Variants in SIPA1L1 observed in about 807,000 individuals in gnomAD.
SIPA1L1 encodes signal induced proliferation associated 1 like 1.
SIPA1L1 carries 26 observed loss-of-function variants against 162.7 expected under a neutral mutation model. The observed-to-expected ratio is 0.16, with a 90% CI of 0.12 to 0.22. The LOEUF (loss-of-function observed/expected upper bound fraction) is 0.22. SIPA1L1 is among the 10% of genes least tolerant of loss of function. SIPA1L1 has a pLI of 1.00. For synonymous variants in SIPA1L1, 829 were observed against 837.4 expected (o/e 0.99, Z 0.17); for missense variants, 1,874 against 2,241.0 (o/e 0.84, Z 3.31).
chr14:71,562,534 C>T (rs2056878368), intron 4 of SIPA1L1, among the ~76,000 whole-genome samples: 1 of 152,104 alleles, frequency 6.6e-6, no homozygotes, highest in Non-Finnish European at 1.5e-5. Context: ...GTGTTCAGCA[C>T]ATAATAAATG....
intron 2 of SIPA1L1, among the ~76,000 whole-genome samples, chr14:71,426,385 T>G (rs2043562689): frequency 6.6e-6 from 1 of 151,774 alleles, no homozygotes; most frequent in Non-Finnish European, 1.5e-5. Context: ...CCTTTAAAAT[T>G]TTTTTTTTCT....
chr14:71,477,661 A>G (rs891341649), intron 2 of SIPA1L1, among the ~76,000 whole-genome samples: 1 of 152,112 alleles, frequency 6.6e-6, no homozygotes, highest in East Asian at 1.9e-4. Context: ...GGTTCATGCA[A>G]TTTGTTGTGG....
At chr14:71,544,031 A>ATG (rs1175310332) in intron 4 of SIPA1L1, among the ~76,000 whole-genome samples, 2 of 147,518 alleles carry the variant, frequency 1.4e-5, no homozygotes, top group Non-Finnish European at 3.0e-5. Flanking sequence ...ACGCACATGT[A>ATG]TGTATATACA....
Position 71,419,480 on chromosome 14 carries a change from CTTTTTTTTTTTTTT to C in SIPA1L1, c.-464-93248_-464-93235del, listed in dbSNP as rs779874892. Reference sequence around the variant, plus strand: ...TTTGAAAGGCTCAAGGAGGATCTCTCTTTTTTTTTTTTTTTTTTTTTTTTTTTTGAGACGGAGTC... The same window carrying C: ...TTTGAAAGGCTCAAGGAGGATCTCTCTTTTTTTTTTTTTTGAGACGGAGTC... On this transcript the variant is annotated intron_variant, in intron 2 of 23. Coordinates refer to ENST00000381232, the MANE Select transcript of SIPA1L1 (RefSeq NM_001386936.1). Among the ~76,000 whole-genome samples the C allele has an allele frequency of 3.4e-3, 292 of 85,244 alleles. 2 individuals carry two copies. The highest frequency in any genetic ancestry group is 0.012 in the African/African-American group (239 of 20,778). 55.9% of individuals were successfully genotyped at this position (85,244 alleles called of 152,430 possible).
At chr14:71,355,555 C>T (rs960821814) in intron 2 of SIPA1L1, among the ~76,000 whole-genome samples, 1 of 152,210 alleles carries the variant, frequency 6.6e-6, no homozygotes, top group Admixed American at 6.5e-5. Flanking sequence ...CTGCAGGATT[C>T]TCCATAAACT....
intron 4 of SIPA1L1, among the ~76,000 whole-genome samples, chr14:71,534,310 G>A (rs1434946609): frequency 5.3e-5 from 8 of 152,160 alleles, no homozygotes; most frequent in African/African-American, 1.9e-4. Context: ...GGAGGGGCAT[G>A]AAAGGTTGAC....
chr14:71,510,011 C>A (rs2050994153), intron 2 of SIPA1L1, among the ~76,000 whole-genome samples: 1 of 152,062 alleles, frequency 6.6e-6, no homozygotes, highest in Admixed American at 6.6e-5. Context: ...AGTGCCCCCA[C>A]TTTGATCTGG....
chr14:71,719,340 A>C (rs1407694744), intron 17 of SIPA1L1, among the ~76,000 whole-genome samples: 1 of 152,194 alleles, frequency 6.6e-6, no homozygotes, highest in Non-Finnish European at 1.5e-5. Context: ...ACATATGTTC[A>C]ACTTAGTAGG....
chr14:71,735,328 G>A lies in SIPA1L1; in HGVS notation c.5060G>A (p.Ser1687Asn). 6.2e-7 allele frequency: 1 copy of A among 1,614,176 alleles called. No homozygotes were observed. Among genetic ancestry groups the A allele is most frequent in the Non-Finnish European group, 8.5e-7 (1 of 1,180,014 alleles). Reference sequence around the variant, plus strand: ...AGTGATGAAAACCATCGCCCCTTGAGTGCTGCATCCAACAGTGATCAGCTG... The same window carrying A: ...AGTGATGAAAACCATCGCCCCTTGAATGCTGCATCCAACAGTGATCAGCTG... ...AASDENHRPL[S>N]AASNSDQLED... Residue 1687 changes from serine (S) to asparagine (N), a missense_variant, in exon 22 of 24, where the codon AGT becomes AAT. Ser to Asn is a conservative substitution (Grantham distance 46). Coordinates refer to ENST00000381232, the MANE Select transcript of SIPA1L1 (RefSeq NM_001386936.1).
intron 13 of SIPA1L1, among the ~76,000 whole-genome samples, chr14:71,698,707 C>T (rs2081847693): frequency 6.6e-6 from 1 of 152,196 alleles, no homozygotes; most frequent in Non-Finnish European, 1.5e-5. Flanking sequence ...CAATTGAATT[C>T]TGGCAGCTTT....
At chr14:71,656,839 G>T (rs2043098513) in intron 8 of SIPA1L1, among the ~76,000 whole-genome samples, 1 of 152,178 alleles carries the variant, frequency 6.6e-6, no homozygotes. Context: ...AGAGCTACCT[G>T]GGAGTGTCTG....
intron 4 of SIPA1L1, among the ~76,000 whole-genome samples, chr14:71,532,200 G>A (rs2053511378): frequency 1.3e-5 from 2 of 152,162 alleles, no homozygotes; most frequent in African/African-American, 4.8e-5. Context: ...TGGTTGTTGT[G>A]TAATATGTTT....
chr14:71,444,715 G>A (rs1037801903), intron 2 of SIPA1L1, among the ~76,000 whole-genome samples: 36 of 152,314 alleles, frequency 2.4e-4, no homozygotes, highest in African/African-American at 7.9e-4. Flanking sequence ...CCAGGTAGGT[G>A]TCTGCTGCTC....
At chr14:71,517,255 A>G (rs1363920161) in intron 3 of SIPA1L1, among the ~76,000 whole-genome samples, 1 of 152,162 alleles carries the variant, frequency 6.6e-6, no homozygotes, top group Non-Finnish European at 1.5e-5. Context: ...GAAGCTTTTA[A>G]TGACTATTAA....
chr14:71,718,355 G>A (rs1335877748), intron 17 of SIPA1L1, among the ~76,000 whole-genome samples: 1 of 152,176 alleles, frequency 6.6e-6, no homozygotes, highest in East Asian at 1.9e-4. Flanking sequence ...CAATTAAATG[G>A]GGCTGTCTCA....
chr14:71,470,506 T>A (rs1301341564), intron 2 of SIPA1L1, among the ~76,000 whole-genome samples: 1 of 152,092 alleles, frequency 6.6e-6, no homozygotes, highest in Admixed American at 6.6e-5. Flanking sequence ...ACATATCTAA[T>A]GTTAATTTAA....
intron 2 of SIPA1L1, among the ~76,000 whole-genome samples, chr14:71,346,028 C>T (rs977020111): frequency 6.6e-6 from 1 of 152,136 alleles, no homozygotes; most frequent in African/African-American, 2.4e-5. Flanking sequence ...CTGTCTCAGC[C>T]TCCCGAGTAG....
rs983226917 is a variant in SIPA1L1 at position 71,740,955 on chromosome 14, A to G, written c.*1794A>G. 6.6e-6 allele frequency: 1 copy of G among 152,220 alleles called. No homozygotes were observed. Among genetic ancestry groups the G allele is most frequent in the East Asian group, 1.9e-4 (1 of 5,198 alleles). The allele number at this position is 152,220 out of a possible 1,614,324, so 9.4% of individuals were successfully genotyped here. A position where few individuals can be genotyped will look rare whatever the true frequency, so the allele number is the denominator to read the frequency against. On this transcript the variant is annotated 3_prime_UTR_variant, in exon 24 of 24. Transcript: ENST00000381232. ...GGGGACTTGGGGCAAGCTATTTATT[A>G]GAGTTTTGCAACAGAGTTCTTGTTT...
intron 4 of SIPA1L1, among the ~76,000 whole-genome samples, chr14:71,533,672 G>A (rs2145464001): frequency 6.6e-6 from 1 of 152,330 alleles, no homozygotes; most frequent in South Asian, 2.1e-4. Flanking sequence ...GGTTGTCTTT[G>A]TTAGTATAGG....
Sources: gnomAD v4.1 joint callset for allele counts (sites outside exome capture counted in the v4.1 genomes callset) on GRCh38, gnomAD v4.1.1 for gene constraint, MANE v1.5 for transcripts, NCBI Gene and HGNC (gene_info 2026-07-23, HGNC 2026-07-21) for gene names.